The following UBAP2 variants were observed in gnomAD, a reference collection of about 807,000 sequenced individuals.
The protein encoded by UBAP2 is ubiquitin associated protein 2.
Under a neutral mutation model 139.6 loss-of-function variants are expected in UBAP2, and 75 were observed. The observed-to-expected ratio is 0.54, with a 90% CI of 0.45 to 0.65. The LOEUF is 0.65. Ranked by LOEUF, UBAP2 falls within the 30% of genes least tolerant of loss-of-function variation. UBAP2 has a pLI of 0.00. For synonymous variants in UBAP2, 526 were observed against 526.2 expected (o/e 1.00, Z 0.01); for missense variants, 1,368 against 1,369.6 (o/e 1.00, Z 0.02).
chr9:33,987,912 C>T (rs1160798184), intron 5 of UBAP2, among the ~76,000 whole-genome samples: 3 of 152,118 alleles, frequency 2.0e-5, no homozygotes, highest in African/African-American at 7.2e-5. Flanking sequence ...CAGGAAGATG[C>T]CAACACGCAG....
At chr9:34,040,475 A>T (rs1408960407) in intron 1 of UBAP2, among the ~76,000 whole-genome samples, 1 of 152,048 alleles carries the variant, frequency 6.6e-6, no homozygotes, top group Admixed American at 6.6e-5. Flanking sequence ...AGGTTAGCTG[A>T]TGGCTCACTC....
At chr9:33,980,537 G>A (rs939586157) in intron 6 of UBAP2, among the ~76,000 whole-genome samples, 5 of 151,736 alleles carry the variant, frequency 3.3e-5, no homozygotes, top group African/African-American at 2.4e-5. Flanking sequence ...CACCGCACCC[G>A]GCGAGCGTCA....
intron 1 of UBAP2, among the ~76,000 whole-genome samples, chr9:34,017,636 C>A (rs559631314): frequency 6.6e-6 from 1 of 152,204 alleles, no homozygotes; most frequent in African/African-American, 2.4e-5. Context: ...CTTAAAGAAA[C>A]AATTGTGTGG....
chr9:33,996,123 A>C (rs1341632320), intron 4 of UBAP2, 100 bp downstream of exon 4: 1 of 830,572 alleles, frequency 1.2e-6, no homozygotes, highest in Non-Finnish European at 2.0e-6. Flanking sequence ...GAATGGCACC[A>C]TAATCCATTC....
In UBAP2 at chr9:33,922,490, CCT is replaced by C. The variant is rs547788118; in HGVS notation, c.*12_*13del. The C allele has an allele frequency of 9.5e-4, 1,527 of 1,612,380 alleles. 1 individual carries two copies. Among genetic ancestry groups the C allele is most frequent in the African/African-American group, 1.7e-3 (131 of 75,014 alleles). On this transcript the variant is annotated 3_prime_UTR_variant, in exon 29 of 29. Transcript: ENST00000379238. ...AGGATAAGCCTTGCCCCAGCCCACC[CCT>C]CTCTTCTGGGTTTAGTTTGTCCAGT...
At chr9:33,993,896 C>CTTT (rs34361153) in intron 4 of UBAP2, among the ~76,000 whole-genome samples, 25,082 of 137,102 alleles carry the variant, frequency 0.18, 3,133 homozygotes, top group East Asian at 0.56. Flanking sequence ...GCTTTGCTTT[C>CTTT]TTTTTTTTTT....
intron 1 of UBAP2, among the ~76,000 whole-genome samples, chr9:34,021,252 T>G (rs1587674333): frequency 1.3e-5 from 2 of 152,334 alleles, no homozygotes; most frequent in African/African-American, 4.8e-5. Flanking sequence ...TTTCAACAGC[T>G]TCATTAACTG....
chr9:34,010,762 CAT>C (rs889634164), intron 2 of UBAP2, among the ~76,000 whole-genome samples: 6 of 152,020 alleles, frequency 3.9e-5, no homozygotes, highest in African/African-American at 1.4e-4. Context: ...CTACAACAAA[CAT>C]TTTTTTTTAA....
chr9:33,926,126 C>A (rs1823406964), intron 22 of UBAP2, among the ~76,000 whole-genome samples: 1 of 152,120 alleles, frequency 6.6e-6, no homozygotes, highest in Non-Finnish European at 1.5e-5. Context: ...AGGCCAGACC[C>A]AGAAGAGACC....
At chr9:34,016,188 G>A (rs1198790848) in intron 2 of UBAP2, among the ~76,000 whole-genome samples, 1 of 61,356 alleles carries the variant, frequency 1.6e-5, no homozygotes, top group East Asian at 1.7e-3. Context: ...AGGAAGAGGA[G>A]GAATAGAAGG....
At chr9:33,977,036 T>A (rs181295922) in intron 6 of UBAP2, among the ~76,000 whole-genome samples, 13 of 145,084 alleles carry the variant, frequency 9.0e-5, no homozygotes, top group African/African-American at 3.2e-4. Flanking sequence ...CAGTTGTTTT[T>A]TATTTATTTT....
chr9:34,033,288 G>A (rs1435694215), intron 1 of UBAP2, among the ~76,000 whole-genome samples: 2 of 152,132 alleles, frequency 1.3e-5, no homozygotes, highest in East Asian at 3.8e-4. Flanking sequence ...CCATAAAAAA[G>A]AATGAGATCC....
chr9:33,922,437 A>G lies in UBAP2; in HGVS notation c.*67T>C. The G allele has an allele frequency of 4.6e-6, 7 of 1,508,252 alleles. No homozygotes were observed. Among genetic ancestry groups the G allele is most frequent in the Non-Finnish European group, 6.4e-6 (7 of 1,101,348 alleles). 93.4% of individuals were successfully genotyped at this position (1,508,252 alleles called of 1,614,324 possible). On this transcript the variant is annotated 3_prime_UTR_variant, in exon 29 of 29. Coordinates refer to ENST00000379238, the MANE Select transcript of UBAP2 (RefSeq NM_001370062.2). ...CTAGGAAAGGGCACTGGGCTCCCAAATACGTGCTCGTGTGTTCTCTCCTGC... is the reference window on the plus strand; with the variant it reads ...CTAGGAAAGGGCACTGGGCTCCCAAGTACGTGCTCGTGTGTTCTCTCCTGC...
At chr9:33,947,036 GT>G (rs1825704692) in intron 13 of UBAP2, among the ~76,000 whole-genome samples, 1 of 152,128 alleles carries the variant, frequency 6.6e-6, no homozygotes. Flanking sequence ...AAACAATGTG[GT>G]TTATGCTCAA....
chr9:33,941,902 T>TAA, intron 15 of UBAP2, 40 bp from the exon 16 acceptor site: 2 of 1,450,240 alleles, frequency 1.4e-6, no homozygotes, highest in Non-Finnish European at 1.9e-6. Context: ...TTTTGTTACT[T>TAA]TAAATAGCTT....
At chr9:34,006,238 G>GAAAAAAAAAAAA (rs796874509) in intron 2 of UBAP2, among the ~76,000 whole-genome samples, 1 of 81,938 alleles carries the variant, frequency 1.2e-5, no homozygotes. Flanking sequence ...ATCTCAAAAA[G>GAAAAAAAAAAAA]AAAAAAAAAA....
intron 2 of UBAP2, among the ~76,000 whole-genome samples, chr9:34,010,122 TAA>T (rs572189269): frequency 0.59 from 74,287 of 125,096 alleles, 22,173 homozygotes; most frequent in East Asian, 0.77. Context: ...TCCTGTCTAT[TAA>T]AAAAAAAAAA....
In UBAP2 at chr9:33,971,724, A is replaced by T. The variant is rs751986041; in HGVS notation, c.606T>A (p.Ser202=). ...GTFNPADYSD[S]TSTDVCGTKL... ...TTGTCCCACACACATCTGTAGATGT[A>T]GAATCTGAATAGTCTGCAGGATTAA... The change falls in exon 8 of 29, where the codon TCT becomes TCA. Residue 202 remains serine, a synonymous_variant. Coordinates refer to ENST00000379238, the MANE Select transcript of UBAP2 (RefSeq NM_001370062.2). 1 of 1,610,966 alleles carries T rather than the reference A, an allele frequency of 6.2e-7. No individual in the cohort carries two copies. The highest frequency in any genetic ancestry group is 1.1e-5 in the South Asian group (1 of 91,036).
intron 2 of UBAP2, among the ~76,000 whole-genome samples, chr9:34,012,056 ATT>A (rs1193638470): frequency 3.9e-5 from 6 of 152,102 alleles, no homozygotes; most frequent in Non-Finnish European, 7.3e-5. Flanking sequence ...AACTTTACAT[ATT>A]TTTTTCAGTT....
Sources: allele counts gnomAD v4.1 joint callset (sites outside exome capture counted in the v4.1 genomes callset), GRCh38; gene constraint gnomAD v4.1.1; transcripts MANE v1.5; gene names NCBI Gene and HGNC (gene_info 2026-07-23, HGNC 2026-07-21).